The following TMEM145 variants were observed in gnomAD, a reference collection of about 807,000 sequenced individuals.
TMEM145 encodes the protein transmembrane protein 145.
In TMEM145, 46 loss-of-function variants were observed where a neutral mutation model predicts 68.5. That is an observed-to-expected ratio of 0.67 (90% CI 0.53 to 0.86). TMEM145 has a LOEUF of 0.86. TMEM145 is among the 40% of genes least tolerant of loss of function. TMEM145 has a pLI of 0.00. For missense variants in TMEM145, 570 were observed against 645.8 expected (o/e 0.88, Z 1.27); for synonymous variants, 255 against 280.2 (o/e 0.91, Z 0.90).
chr19:42,324,707 G>T, intron 14 of TMEM145, 30 bp from the exon 15 acceptor site: 1 of 1,432,332 alleles, frequency 7.0e-7, no homozygotes. Context: ...ACGGTCCCGC[G>T]GGAGCCGCTC....
At position 42,313,424 on chromosome 19, in the gene TMEM145, G is replaced by T; in HGVS notation, c.48G>T (p.Leu16=). The part of the protein sequence containing the change: ...APALRRLLPP[L]LLLLLSLPPR... Reference sequence around the variant, plus strand: ...CGCTGCGCCGCCTGCTGCCGCCGCTGCTGCTCCTGCTGCTGTCACTGCCCC... The same window carrying T: ...CGCTGCGCCGCCTGCTGCCGCCGCTTCTGCTCCTGCTGCTGTCACTGCCCC... The change falls in exon 1 of 15, where the codon CTG becomes CTT. Residue 16 remains leucine (L), a synonymous_variant. Transcript: ENST00000301204. This position sits in a 1 kb window ranked among gnomAD's most constrained non-coding sequence, Gnocchi z 5.1. The T allele has an allele frequency of 7.3e-7, 1 of 1,374,152 alleles. No individual in the cohort carries two copies. Among genetic ancestry groups the T allele is most frequent in the Non-Finnish European group, 9.4e-7 (1 of 1,061,028 alleles). The allele number at this position is 1,374,152 out of a possible 1,614,324, so 85.1% of individuals were successfully genotyped here. A position where few individuals can be genotyped will look rare whatever the true frequency, so the allele number is the denominator to read the frequency against.
intron 6 of TMEM145, 50 bp from the exon 7 acceptor site, chr19:42,315,138 T>G: frequency 1.9e-6 from 3 of 1,614,158 alleles, no homozygotes; most frequent in Non-Finnish European, 2.5e-6. Context: ...GGGTGCCCAC[T>G]GAGGGGACAT....
chr19:42,313,401 C>T lies in TMEM145; in HGVS notation c.25C>T (p.Leu9=), dbSNP rs777431612. 2.0e-4 allele frequency: 268 copies of T among 1,345,034 alleles called. No individual in the cohort carries two copies. The highest frequency in any genetic ancestry group is 1.9e-3 in the Middle Eastern group (7 of 3,612). 83.3% of individuals were successfully genotyped at this position (1,345,034 alleles called of 1,614,324 possible). A position where few individuals can be genotyped will look rare whatever the true frequency, so the allele number is the denominator to read the frequency against. The part of the protein sequence containing the change: MEPLRAPA[L]RRLLPPLLLL... ...AATGGAGCCCCTGCGCGCGCCCGCG[C>T]TGCGCCGCCTGCTGCCGCCGCTGCT... Residue 9 remains leucine (L), a synonymous_variant, in exon 1 of 15, where the codon CTG becomes TTG. Coordinates refer to ENST00000301204, the MANE Select transcript of TMEM145 (RefSeq NM_173633.3). The surrounding 1 kb of genome is among the most constrained non-coding windows in gnomAD (Gnocchi z 5.1).
At chr19:42,324,395 G>A (rs1296886665) in intron 14 of TMEM145, 1 of 984,678 alleles carries the variant, frequency 1.0e-6, no homozygotes, top group Admixed American at 6.2e-5. Context: ...GTTCCCCAAG[G>A]CGGCCGACTC....
At chr19:42,314,426 G>A (rs773160438) in intron 2 of TMEM145, 25 bp from the exon 3 acceptor site, 99 of 1,613,940 alleles carry the variant, frequency 6.1e-5, no homozygotes, top group Middle Eastern at 3.3e-4. Context: ...CCCAGCTCCC[G>A]GTCCCCAACA....
At chr19:42,317,105 C>T in intron 11 of TMEM145, 142 bp downstream of exon 11, 1 of 716,550 alleles carries the variant, frequency 1.4e-6, no homozygotes, top group Admixed American at 2.1e-5. Flanking sequence ...TCTGCTTTCC[C>T]ATCTGTCTAA....
rs1046916911 is a variant in TMEM145, at chr19:42,320,536, C to T, written c.1194+99C>T. On this transcript the variant is annotated intron_variant, in intron 13 of 14. Coordinates refer to ENST00000301204, the MANE Select transcript of TMEM145 (RefSeq NM_173633.3). ...TCTGCTGGACCTCCTGTTCTGAGGT[C>T]TTGATCCATTTTCCTTTTAGTCATT... The T allele has an allele frequency of 1.9e-5, 29 of 1,547,274 alleles. No homozygotes were observed. In the African/African-American group the frequency reaches 3.7e-4, roughly 20 times the overall value.
chr19:42,316,823 C>T, intron 10 of TMEM145, 47 bp from the exon 11 acceptor site: 3 of 1,610,664 alleles, frequency 1.9e-6, no homozygotes, highest in Non-Finnish European at 1.7e-6. Context: ...GCATCCTCCT[C>T]CCTGACGGCC....
intron 13 of TMEM145, among the ~76,000 whole-genome samples, chr19:42,322,518 G>A (rs967048373): frequency 3.3e-5 from 5 of 152,006 alleles, no homozygotes; most frequent in Admixed American, 6.6e-5. Flanking sequence ...CTCCACCTGG[G>A]TATCTCAACG....
At chr19:42,324,530 C>T in intron 14 of TMEM145, 1 of 985,314 alleles carries the variant, frequency 1.0e-6, no homozygotes, top group Non-Finnish European at 1.2e-6. Flanking sequence ...GGTCTGAGCA[C>T]CCCTGCCCGC....
chr19:42,321,449 G>A (rs2038911551), intron 13 of TMEM145: 1 of 257,678 alleles, frequency 3.9e-6, no homozygotes. Context: ...GAGTGCAGAG[G>A]TGCGATCTCG....
chr19:42,324,713 C>T, intron 14 of TMEM145, 24 bp from the exon 15 acceptor site: 1 of 1,311,944 alleles, frequency 7.6e-7, no homozygotes, highest in East Asian at 4.4e-5. Context: ...CCGCGGGAGC[C>T]GCTCTCCCCG....
chr19:42,325,013 G>A lies in TMEM145; in HGVS notation c.*196G>A, dbSNP rs1249508210. The A allele has an allele frequency of 2.3e-6, 2 of 870,474 alleles. No homozygotes were observed. Among genetic ancestry groups the A allele is most frequent in the Non-Finnish European group, 3.1e-6 (2 of 647,216 alleles). 53.9% of individuals were successfully genotyped at this position (870,474 alleles called of 1,614,324 possible). A position where few individuals can be genotyped will look rare whatever the true frequency, so the allele number is the denominator to read the frequency against. On this transcript the variant is annotated 3_prime_UTR_variant, in exon 15 of 15. Coordinates refer to ENST00000301204, the MANE Select transcript of TMEM145 (RefSeq NM_173633.3). ...CCTTCCCTCGGGTCCCTGGCAGAAA[G>A]ACATTTTACCCCTTCTTGCCAAAAT...
chr19:42,320,605 T>C (rs2053605228), intron 13 of TMEM145, among the ~76,000 whole-genome samples, 168 bp downstream of exon 13: 1 of 152,084 alleles, frequency 6.6e-6, no homozygotes, highest in Admixed American at 6.6e-5. Flanking sequence ...GTCTCCTCTA[T>C]TGTGCTCCTC....
rs1449074457 is a variant in TMEM145, at chr19:42,316,982, T to C, written c.900+19T>C. 1.9e-6 allele frequency: 3 copies of C among 1,608,426 alleles called. No individual in the cohort carries two copies. The highest frequency in any genetic ancestry group is 1.1e-5 in the South Asian group (1 of 90,462). The stretch of plus-strand genomic sequence containing the variant: ...GGCGGAAGTGAGTCCGACTGGCCCC[T>C]GGCCGGGCCCTGCCTTCCCCTGCTT... On this transcript the variant is annotated intron_variant, in intron 11 of 14. Coordinates refer to ENST00000301204, the MANE Select transcript of TMEM145 (RefSeq NM_173633.3).
rs568491836 is a variant in TMEM145 at position 42,314,320 on chromosome 19, C to G, written c.169C>G (p.Leu57Val). 6.2e-7 allele frequency: 1 copy of G among 1,614,076 alleles called. No individual in the cohort carries two copies. Among genetic ancestry groups the G allele is most frequent in the Admixed American group, 1.7e-5 (1 of 60,018 alleles). ...RFCFLSDYGRLDFRFRYPEAK... is the reference protein window; with the variant it reads ...RFCFLSDYGRVDFRFRYPEAK... ...TTGTTTCCTCTCGGATTACGGCCGACTGGACTTCCGTTTCCGCTACCCTGA... is the reference window on the plus strand; with the variant it reads ...TTGTTTCCTCTCGGATTACGGCCGAGTGGACTTCCGTTTCCGCTACCCTGA... Residue 57 changes from leucine to valine, a missense_variant, in exon 2 of 15, where the codon CTG becomes GTG. Leu to Val is a conservative substitution (Grantham distance 32). Transcript: ENST00000301204.
In TMEM145 at chr19:42,313,607, G is replaced by C. The variant is rs2038824762; in HGVS notation, c.120+111G>C. The C allele has an allele frequency of 3.4e-6, 3 of 877,644 alleles. No homozygotes were observed. The highest frequency in any genetic ancestry group is 4.5e-6 in the Non-Finnish European group (3 of 661,526). 54.4% of individuals were successfully genotyped at this position (877,644 alleles called of 1,614,324 possible). On this transcript the variant is annotated intron_variant, in intron 1 of 14. Transcript: ENST00000301204. This position sits in a 1 kb window ranked among gnomAD's most constrained non-coding sequence, Gnocchi z 5.1. ...TGCCGCCCCTCCTGGCGGACTCCGGGAGCCTCGGGGGAGTGGGGCCGAGGG... is the reference window on the plus strand; with the variant it reads ...TGCCGCCCCTCCTGGCGGACTCCGGCAGCCTCGGGGGAGTGGGGCCGAGGG...
At position 42,324,775 on chromosome 19, in the gene TMEM145, G is replaced by C; in HGVS notation, c.1440G>C (p.Leu480=). The C allele has an allele frequency of 1.9e-6, 3 of 1,567,824 alleles. No individual in the cohort carries two copies. The highest frequency in any genetic ancestry group is 2.6e-6 in the Non-Finnish European group (3 of 1,164,858). ...PRAAPDSGLP[L]FRDLRPPGPL... ...CGGCGCCGGATTCTGGGCTCCCGCT[G>C]TTCCGTGACCTCCGGCCCCCTGGCC... Residue 480 remains leucine (L), a synonymous_variant, in exon 15 of 15, where the codon CTG becomes CTC. Transcript: ENST00000301204.
chr19:42,322,625 C>T (rs1031116687), intron 13 of TMEM145, among the ~76,000 whole-genome samples: 5 of 152,160 alleles, frequency 3.3e-5, no homozygotes, highest in African/African-American at 1.2e-4. Flanking sequence ...CACCCAGTCC[C>T]TGCCTTCACA....
Sources: allele counts gnomAD v4.1 joint callset (sites outside exome capture counted in the v4.1 genomes callset), GRCh38; gene constraint gnomAD v4.1.1; non-coding constraint Gnocchi (gnomAD v3.1); transcripts MANE v1.5; gene names NCBI Gene and HGNC (gene_info 2026-07-23, HGNC 2026-07-21).